The following EYS variants were observed in gnomAD, a reference collection of about 807,000 sequenced individuals.
EYS encodes EGF-like photoreceptor maintenance factor.
Under a neutral mutation model 282.1 loss-of-function variants are expected in EYS, and 250 were observed. That is an observed-to-expected ratio of 0.89 (90% CI 0.80 to 0.98). EYS has a LOEUF of 0.98. Among genes scored for constraint, EYS ranks in the 50% least tolerant of loss-of-function variants. EYS has a pLI of 0.00. For synonymous variants in EYS, 1,355 were observed against 1,282.9 expected, an observed-to-expected ratio of 1.06 and a Z score of -1.20; for missense variants, 4,016 against 3,709.0, an observed-to-expected ratio of 1.08 and a Z score of -2.15.
chr6:65,397,120 T>C lies in EYS; in HGVS notation c.1184+5358A>G, dbSNP rs183196949. Among the ~76,000 whole-genome samples the C allele has an allele frequency of 5.3e-5, 8 of 152,100 alleles. No homozygotes were observed. The East Asian group carries it at 1.6e-3, about 30-fold the overall frequency. On this transcript the variant is annotated intron_variant, in intron 7 of 42. Coordinates refer to ENST00000503581, the MANE Select transcript of EYS (RefSeq NM_001142800.2). The stretch of plus-strand genomic sequence containing the variant: ...AGTCGAAAACCTTCTCATGTTCCTA[T>C]CTGGGTTCAATGTGAGGTAATTTCA...
chr6:64,079,563 A>G (rs9450746), intron 32 of EYS, among the ~76,000 whole-genome samples: 1 of 145,480 alleles, frequency 6.9e-6, no homozygotes, highest in African/African-American at 2.8e-5. Context: ...ATTGTTTTTT[A>G]TTTTTTATTT....
intron 7 of EYS, among the ~76,000 whole-genome samples, chr6:65,394,499 A>C (rs542126215): frequency 6.6e-5 from 10 of 152,206 alleles, no homozygotes; most frequent in African/African-American, 2.4e-4. Flanking sequence ...TGTGTAAGTG[A>C]AGTGCAGCAC....
At chr6:64,924,859 G>A (rs193254083) in intron 15 of EYS, among the ~76,000 whole-genome samples, 1 of 152,242 alleles carries the variant, frequency 6.6e-6, no homozygotes, top group African/African-American at 2.4e-5. Flanking sequence ...TTGGGGCAAA[G>A]CCATTCAACA....
At chr6:64,815,692 A>G (rs1248013509) in intron 21 of EYS, among the ~76,000 whole-genome samples, 1 of 152,088 alleles carries the variant, frequency 6.6e-6, no homozygotes, top group Non-Finnish European at 1.5e-5. Flanking sequence ...GTAATTTCAG[A>G]AAATAAAAGA....
chr6:64,659,069 G>A, intron 22 of EYS, among the ~76,000 whole-genome samples: 1 of 151,954 alleles, frequency 6.6e-6, no homozygotes, highest in Admixed American at 6.6e-5. Flanking sequence ...CTAGAACTCA[G>A]GATTAAGAAA....
chr6:65,397,319 C>T (rs565072937), intron 7 of EYS, among the ~76,000 whole-genome samples: 16 of 151,850 alleles, frequency 1.1e-4, no homozygotes, highest in South Asian at 8.3e-4. Flanking sequence ...ACCCATAACC[C>T]GAATAGTGAA....
chr6:65,363,541 G>A (rs148169732), intron 8 of EYS, among the ~76,000 whole-genome samples: 11 of 151,600 alleles, frequency 7.3e-5, no homozygotes, highest in South Asian at 2.1e-4. Context: ...TTTTCATGGC[G>A]TAGACAGACA....
At chr6:64,776,617 C>T (rs909802463) in intron 22 of EYS, among the ~76,000 whole-genome samples, 1 of 151,896 alleles carries the variant, frequency 6.6e-6, no homozygotes, top group Non-Finnish European at 1.5e-5. Flanking sequence ...TCTATATGTA[C>T]TATATTTAAA....
intron 35 of EYS, among the ~76,000 whole-genome samples, chr6:63,920,586 C>G (rs1764542717): frequency 6.6e-6 from 1 of 152,196 alleles, no homozygotes; most frequent in Non-Finnish European, 1.5e-5. Context: ...TTTCCCTTAA[C>G]ACTCCAACAG....
intron 26 of EYS, among the ~76,000 whole-genome samples, chr6:64,463,989 A>G (rs1038719786): frequency 3.3e-5 from 5 of 152,194 alleles, no homozygotes; most frequent in African/African-American, 1.2e-4. Flanking sequence ...GGTCACAACA[A>G]AAAGATAAAA....
intron 7 of EYS, among the ~76,000 whole-genome samples, chr6:65,384,976 G>GT (rs1221903730): frequency 1.3e-5 from 2 of 151,784 alleles, no homozygotes; most frequent in African/African-American, 4.8e-5. Context: ...CTGTTTGTTA[G>GT]TTGTCATTTT....
At chr6:64,219,331 C>T (rs1366438298) in intron 31 of EYS, among the ~76,000 whole-genome samples, 1 of 152,192 alleles carries the variant, frequency 6.6e-6, no homozygotes, top group Admixed American at 6.5e-5. Flanking sequence ...GGGATATTCC[C>T]AGGTTGTCAC....
intron 26 of EYS, among the ~76,000 whole-genome samples, chr6:64,523,087 T>C (rs1777808665): frequency 1.3e-5 from 2 of 151,808 alleles, no homozygotes; most frequent in Admixed American, 1.3e-4. Flanking sequence ...CATTAACAGT[T>C]TTAGCATTTA....
At chr6:64,338,887 G>A (rs1770973393) in intron 29 of EYS, among the ~76,000 whole-genome samples, 1 of 151,968 alleles carries the variant, frequency 6.6e-6, no homozygotes, top group South Asian at 2.1e-4. Context: ...GCAGGGAAAG[G>A]ACACCCTTTT....
chr6:64,542,304 T>C (rs541888370), intron 26 of EYS, among the ~76,000 whole-genome samples: 1 of 152,116 alleles, frequency 6.6e-6, no homozygotes, highest in Admixed American at 6.5e-5. Context: ...AAAATGTACC[T>C]GAGAACTGTG....
chr6:64,938,935 T>C (rs1769001341), intron 15 of EYS, among the ~76,000 whole-genome samples: 1 of 151,674 alleles, frequency 6.6e-6, no homozygotes, highest in Admixed American at 6.6e-5. Context: ...CTTGGAATAG[T>C]AAAGGGGGAC....
At chr6:65,670,046 C>T (rs1289138727) in intron 1 of EYS, among the ~76,000 whole-genome samples, 2 of 151,964 alleles carry the variant, frequency 1.3e-5, no homozygotes, top group South Asian at 2.1e-4. Context: ...CCATATGCTA[C>T]TCTTTCACCT....
At chr6:64,310,034 C>A (rs111228935) in intron 29 of EYS, among the ~76,000 whole-genome samples, 1,868 of 147,490 alleles carry the variant, frequency 0.013, 42 homozygotes, top group African/African-American at 0.045. Context: ...CATCTCACAC[C>A]AGTCCAAATG....
At chr6:64,970,131 G>A (rs926301073) in intron 14 of EYS, among the ~76,000 whole-genome samples, 1 of 149,700 alleles carries the variant, frequency 6.7e-6, no homozygotes, top group African/African-American at 2.4e-5. Context: ...AATATGAATT[G>A]CCAAGCCTAG....
Sources: gnomAD v4.1 joint callset for allele counts (sites outside exome capture counted in the v4.1 genomes callset) on GRCh38, gnomAD v4.1.1 for gene constraint, MANE v1.5 for transcripts, NCBI Gene and HGNC (gene_info 2026-07-23, HGNC 2026-07-21) for gene names.